HECTD2: variants seen among roughly 807,000 people sequenced by gnomAD.
HECTD2 encodes the protein probable E3 ubiquitin-protein ligase HECTD2.
In HECTD2, 35 loss-of-function variants were observed where a neutral mutation model predicts 103.2. That is an observed-to-expected ratio of 0.34 (90% CI 0.26 to 0.45). The LOEUF is 0.45. Ranked by LOEUF, HECTD2 falls within the 20% of genes least tolerant of loss-of-function variation. The pLI is 1.00. For missense variants in HECTD2, 596 were observed against 937.4 expected, an observed-to-expected ratio of 0.64 and a Z score of 4.76; for synonymous variants, 281 against 329.9, an observed-to-expected ratio of 0.85 and a Z score of 1.61.
chr10:91,430,647 C>G (rs1412453409), intron 2 of HECTD2, among the ~76,000 whole-genome samples: 2 of 152,084 alleles, frequency 1.3e-5, no homozygotes, highest in African/African-American at 4.8e-5. Context: ...CCTTCTTTGT[C>G]TCTTTTGATC....
At chr10:91,484,772 G>A in intron 9 of HECTD2, 117 bp downstream of exon 9, 1 of 725,696 alleles carries the variant, frequency 1.4e-6, no homozygotes, top group Middle Eastern at 3.3e-4. Context: ...TTTCTGTGAA[G>A]GAAAGAGTTG....
chr10:91,506,559 C>CGAAGA (rs1564740241), intron 20 of HECTD2, among the ~76,000 whole-genome samples: 1 of 152,048 alleles, frequency 6.6e-6, no homozygotes, highest in African/African-American at 2.4e-5. Context: ...ATACACTCTC[C>CGAAGA]CAAGACTAAA....
At chr10:91,444,384 G>A (rs1844502499) in intron 2 of HECTD2, among the ~76,000 whole-genome samples, 2 of 152,138 alleles carry the variant, frequency 1.3e-5, no homozygotes, top group African/African-American at 2.4e-5. Context: ...TAATGCCAAG[G>A]CCAAGAGGAT....
intron 2 of HECTD2, among the ~76,000 whole-genome samples, chr10:91,459,232 A>C (rs562574311): frequency 3.9e-5 from 6 of 152,040 alleles, no homozygotes; most frequent in Non-Finnish European, 8.8e-5. Context: ...ATGTAGAGAA[A>C]CTGGATCACT....
chr10:91,485,266 G>C lies in HECTD2; in HGVS notation c.1057G>C (p.Glu353Gln), dbSNP rs1459647024. ...STLDHIDLME[E>Q]YHTWQNFGNS... The stretch of plus-strand genomic sequence containing the variant: ...ATTGGATCACATTGATCTCATGGAA[G>C]AATATCATACTTGGCAAAACTTTGG... The change falls in exon 10 of 21, where the codon GAA (glutamate) becomes CAA (glutamine). Residue 353 changes from glutamate (E) to glutamine (Q), a missense_variant. Physicochemically the swap from Glu to Gln is conservative, Grantham distance 29 (BLOSUM62 2). Around this residue, in one of 4 missense-constraint regions of HECTD2, gnomAD observed 303 missense variants for 522.5 expected, o/e 0.58. Coordinates refer to ENST00000298068, the MANE Select transcript of HECTD2 (RefSeq NM_182765.6). 6.3e-7 allele frequency: 1 copy of C among 1,595,268 alleles called. No homozygotes were observed. Among genetic ancestry groups the C allele is most frequent in the Non-Finnish European group, 8.5e-7 (1 of 1,172,226 alleles).
chr10:91,507,390 C>G (rs1053080273), intron 20 of HECTD2, among the ~76,000 whole-genome samples: 3 of 151,532 alleles, frequency 2.0e-5, no homozygotes, highest in Non-Finnish European at 4.4e-5. Flanking sequence ...TGTCTCAGCC[C>G]AAAATCTCCT....
chr10:91,463,723 C>T (rs928234561), intron 5 of HECTD2: 2 of 152,158 alleles, frequency 1.3e-5, no homozygotes, highest in African/African-American at 2.4e-5. Context: ...CATCCTTTGT[C>T]ATTGGAGAAA....
chr10:91,445,220 G>A (rs79400986), intron 2 of HECTD2, among the ~76,000 whole-genome samples: 2,197 of 152,180 alleles, frequency 0.014, 49 homozygotes, highest in African/African-American at 0.05. Flanking sequence ...ATGATTAGGG[G>A]ATTGATAACT....
At chr10:91,464,410 A>G (rs765833578) in intron 5 of HECTD2, among the ~76,000 whole-genome samples, 3 of 152,204 alleles carry the variant, frequency 2.0e-5, no homozygotes, top group Non-Finnish European at 4.4e-5. Context: ...GATTTTACCA[A>G]GGTATTTCAC....
At chr10:91,437,619 C>CTTTTTTTTTTTTTTTTTTTTGTTTTTTT (rs59785873) in intron 2 of HECTD2, among the ~76,000 whole-genome samples, 9 of 87,308 alleles carry the variant, frequency 1.0e-4, no homozygotes, top group Admixed American at 2.4e-4. Context: ...GATGGTTGTT[C>CTTTTTTTTTTTTTTTTTTTTGTTTTTTT]TTTTTTTTTT....
intron 14 of HECTD2, 50 bp from the exon 15 acceptor site, chr10:91,496,164 C>G: frequency 7.4e-7 from 1 of 1,354,334 alleles, no homozygotes; most frequent in Non-Finnish European, 1.0e-6. Context: ...ATTCAGAACT[C>G]ATTTGTTGTC....
chr10:91,416,860 C>T (rs1843147868), intron 1 of HECTD2, among the ~76,000 whole-genome samples: 1 of 152,086 alleles, frequency 6.6e-6, no homozygotes, highest in South Asian at 2.1e-4. Context: ...TTCCCACCAC[C>T]CCACCACTCC....
rs1056107262 is a variant in HECTD2, at chr10:91,487,621, T to A, written c.1095-61T>A. ...GCTACAAGGGGTACCTTAGATTCCC[T>A]TAGTATAATTTTGTTAAAAATACAC... On this transcript the variant is annotated intron_variant, in intron 10 of 20. Transcript: ENST00000298068. The surrounding 1 kb of genome is among the most constrained non-coding windows in gnomAD (Gnocchi z 4.1). 2.0e-5 allele frequency: 20 copies of A among 990,096 alleles called. No homozygotes were observed. In the African/African-American group the frequency reaches 3.0e-4, roughly 15 times the overall value. The allele number at this position is 990,096 out of a possible 1,614,324, so 61.3% of individuals were successfully genotyped here.
rs888914017 is a variant in HECTD2, at chr10:91,484,478, G to T, written c.822-29G>T. The T allele has an allele frequency of 5.7e-6, 9 of 1,590,280 alleles. No homozygotes were observed. In the Admixed American group the frequency reaches 1.4e-4, roughly 25 times the overall value. ...TTTGGAAATAGAAAATGTGAATTTT[G>T]ATTGCAATTATTTTGAAATCTTTAC... On this transcript the variant is annotated intron_variant, in intron 8 of 20. Coordinates refer to ENST00000298068, the MANE Select transcript of HECTD2 (RefSeq NM_182765.6).
intron 2 of HECTD2, among the ~76,000 whole-genome samples, chr10:91,451,292 G>A (rs1246956656): frequency 2.0e-5 from 3 of 152,138 alleles, no homozygotes; most frequent in Admixed American, 1.3e-4. Flanking sequence ...AACACCACAT[G>A]TTCTCACTCA....
chr10:91,453,482 T>C (rs1844925793), intron 2 of HECTD2, among the ~76,000 whole-genome samples: 1 of 152,138 alleles, frequency 6.6e-6, no homozygotes, highest in Non-Finnish European at 1.5e-5. Flanking sequence ...GTAGGATTTC[T>C]GCCCTTCATT....
At chr10:91,466,793 A>G (rs73316246) in intron 5 of HECTD2, among the ~76,000 whole-genome samples, 15,046 of 152,218 alleles carry the variant, frequency 0.099, 1,592 homozygotes, top group African/African-American at 0.27. Flanking sequence ...GGTACATTCC[A>G]TATCATGGAA....
At chr10:91,427,973 A>C (rs374715314) in intron 2 of HECTD2, among the ~76,000 whole-genome samples, 1 of 151,576 alleles carries the variant, frequency 6.6e-6, no homozygotes, top group African/African-American at 2.4e-5. Flanking sequence ...CTGAATGGTA[A>C]TGCCTAGGTT....
Position 91,484,735 on chromosome 10 carries a change from A to G in HECTD2, c.970+80A>G, listed in dbSNP as rs568525375. On this transcript the variant is annotated intron_variant, in intron 9 of 20. Transcript: ENST00000298068. Reference sequence around the variant, plus strand: ...TATTTCTTAAGGATTTCAAAAGACTATAGAGGCATTCTTAAATTTTAAACC... The same window carrying G: ...TATTTCTTAAGGATTTCAAAAGACTGTAGAGGCATTCTTAAATTTTAAACC... The G allele has an allele frequency of 3.8e-6, 4 of 1,054,672 alleles. No individual in the cohort carries two copies. The East Asian group carries it at 7.7e-5, about 20-fold the overall frequency. The allele number at this position is 1,054,672 out of a possible 1,614,324, so 65.3% of individuals were successfully genotyped here. A position where few individuals can be genotyped will look rare whatever the true frequency, so the allele number is the denominator to read the frequency against.
Sources: gnomAD v4.1 joint callset for allele counts (sites outside exome capture counted in the v4.1 genomes callset) on GRCh38, gnomAD v4.1.1 for gene constraint, gnomAD v4.1.1 regional missense constraint, Gnocchi (gnomAD v3.1) non-coding constraint, MANE v1.5 for transcripts, NCBI Gene and HGNC (gene_info 2026-07-23, HGNC 2026-07-21) for gene names.